The following HEATR9 variants were observed in gnomAD, a reference collection of about 807,000 sequenced individuals.
HEATR9 encodes HEAT repeat containing 9, also known as protein HEATR9.
Under a neutral mutation model 68.2 loss-of-function variants are expected in HEATR9, and 54 were observed. The observed-to-expected ratio is 0.79, with a 90% CI of 0.64 to 0.99. The LOEUF (loss-of-function observed/expected upper bound fraction) is 0.99. Ranked by LOEUF, HEATR9 falls within the 50% of genes least tolerant of loss-of-function variation. The probability of loss-of-function intolerance (pLI) is 0.00; values close to 1 mark genes in which losing one functional copy is unlikely to be tolerated. For synonymous variants in HEATR9, 241 were observed against 253.5 expected (o/e 0.95, Z 0.47); for missense variants, 662 against 679.7 (o/e 0.97, Z 0.29).
intron 9 of HEATR9, 25 bp downstream of exon 9, chr17:35,858,863 G>A: frequency 6.2e-7 from 1 of 1,608,342 alleles, no homozygotes; most frequent in Non-Finnish European, 8.5e-7. Flanking sequence ...TTTCCCCAGG[G>A]ATCCCAGCCT....
chr17:35,856,398 C>T (rs1009173781), intron 12 of HEATR9, 174 bp from the exon 13 acceptor site: 1 of 1,521,722 alleles, frequency 6.6e-7, no homozygotes, highest in South Asian at 1.2e-5. Flanking sequence ...AAAGAGGCAC[C>T]ACAGTTTGCC....
chr17:35,861,895 G>A (rs1568318146), intron 8 of HEATR9, among the ~76,000 whole-genome samples: 2 of 149,570 alleles, frequency 1.3e-5, no homozygotes, highest in Non-Finnish European at 3.0e-5. Flanking sequence ...TTTTGCTCTC[G>A]TTGCCCAGGC....
intron 9 of HEATR9, 84 bp from the exon 10 acceptor site, chr17:35,858,609 C>G: frequency 7.9e-7 from 1 of 1,271,102 alleles, no homozygotes; most frequent in Admixed American, 2.0e-5. Flanking sequence ...GAGCCTAGAA[C>G]TGGTGAGGAA....
At position 35,868,872 on chromosome 17, in the gene HEATR9, G is replaced by T; in HGVS notation, c.-130C>A. 1.4e-6 allele frequency: 1 copy of T among 732,694 alleles called. No homozygotes were observed. The highest frequency in any genetic ancestry group is 2.2e-6 in the Non-Finnish European group (1 of 445,572). 45.4% of individuals were successfully genotyped at this position (732,694 alleles called of 1,614,324 possible). A position where few individuals can be genotyped will look rare whatever the true frequency, so the allele number is the denominator to read the frequency against. On this transcript the variant is annotated 5_prime_UTR_variant, in exon 1 of 15. Coordinates refer to ENST00000604834, the MANE Select transcript of HEATR9 (RefSeq NM_152781.4). ...GTACAGGGGAGGTGTCTGGACTTCT[G>T]GAGGTAGAAGCTTCCAAGTGCTAAG... is the stretch of plus-strand genomic sequence containing the variant.
At chr17:35,863,733 T>C (rs2088087645) in intron 6 of HEATR9, 174 bp from the exon 7 acceptor site, 4 of 674,534 alleles carry the variant, frequency 5.9e-6, no homozygotes, top group Admixed American at 4.9e-5. Flanking sequence ...GAAGGAACAA[T>C]ACAGTTGGGA....
At position 35,856,757 on chromosome 17, in the gene HEATR9, G is replaced by T; in HGVS notation, c.1201C>A (p.Pro401Thr). 6.2e-7 allele frequency: 1 copy of T among 1,606,134 alleles called. No homozygotes were observed. The highest frequency in any genetic ancestry group is 8.5e-7 in the Non-Finnish European group (1 of 1,176,308). ...GCCTCCACCAAGTTCATCATCGTAG[G>T]CTTCAACTTGAGCTCTTCCACAGTT... Reference protein sequence around the residue: ...AQTVEELKLKPTMMNLVEAQL... With the variant: ...AQTVEELKLKTTMMNLVEAQL... Residue 401 changes from proline to threonine, a missense_variant, in exon 12 of 15, where the codon CCT (proline) becomes ACT (threonine). Physicochemically the swap from Pro to Thr is conservative, Grantham distance 38. Coordinates refer to ENST00000604834, the MANE Select transcript of HEATR9 (RefSeq NM_152781.4).
intron 11 of HEATR9, 118 bp downstream of exon 11, chr17:35,858,082 G>T: frequency 1.4e-6 from 2 of 1,425,544 alleles, no homozygotes; most frequent in South Asian, 1.3e-5. Flanking sequence ...TGCATTAGTT[G>T]AACAGGAGTA....
rs757021655 is a variant in HEATR9, at chr17:35,855,255, AGTT to A, written c.1518_1520del (p.Leu506_Thr507delinsPhe). 5.6e-6 allele frequency: 9 copies of A among 1,614,196 alleles called. No homozygotes were observed. The highest frequency in any genetic ancestry group is 5.5e-5 in the South Asian group (5 of 91,090). Reference sequence around the variant, plus strand: ...GCTTTGCAAGTCGAAAGTCTTGAATAGTTAACTCTTCTGGGTTCTCAGGCTCTT... The same window carrying A: ...GCTTTGCAAGTCGAAAGTCTTGAATAAACTCTTCTGGGTTCTCAGGCTCTT... On this transcript the variant is annotated inframe_deletion, in exon 15 of 15. Coordinates refer to ENST00000604834, the MANE Select transcript of HEATR9 (RefSeq NM_152781.4).
At chr17:35,856,914 G>T in intron 11 of HEATR9, 109 bp from the exon 12 acceptor site, 1 of 969,344 alleles carries the variant, frequency 1.0e-6, no homozygotes, top group African/African-American at 1.6e-5. Context: ...TAGAGTCCCT[G>T]CCTTAAGGAG....
intron 7 of HEATR9, 51 bp downstream of exon 7, chr17:35,863,451 G>C (rs1568322252): frequency 1.3e-6 from 2 of 1,575,894 alleles, no homozygotes; most frequent in Admixed American, 1.7e-5. Flanking sequence ...ACCCAAAGGA[G>C]AAAGTGGTTG....
chr17:35,860,323 T>C (rs1598587199), intron 8 of HEATR9, among the ~76,000 whole-genome samples: 3 of 133,142 alleles, frequency 2.3e-5, no homozygotes, highest in African/African-American at 2.9e-5. Flanking sequence ...ACCTGGGAGG[T>C]GGAGCTTGCA....
chr17:35,866,578 GA>G (rs1219464886), intron 2 of HEATR9, 145 bp downstream of exon 2: 2 of 740,556 alleles, frequency 2.7e-6, no homozygotes, highest in African/African-American at 3.5e-5. Flanking sequence ...CTCTGAGGGG[GA>G]AAGTGACTGT....
Position 35,856,080 on chromosome 17 carries a change from CAG to C in HEATR9, c.1278+91_1278+92del. ...AAATAAACAACTTCCCCGAAGTTTA[CAG>C]GCCTTTATTCCCCTCAGTGACTCTG... On this transcript the variant is annotated intron_variant, in intron 13 of 14. Coordinates refer to ENST00000604834, the MANE Select transcript of HEATR9 (RefSeq NM_152781.4). 2.2e-6 allele frequency: 3 copies of C among 1,352,660 alleles called. No homozygotes were observed. In the South Asian group the frequency reaches 3.6e-5, roughly 16 times the overall value. 83.8% of individuals were successfully genotyped at this position (1,352,660 alleles called of 1,614,324 possible).
chr17:35,863,530 GTACTTCAC>G lies in HEATR9; in HGVS notation c.589_596del (p.Val197ArgfsTer14). ...GGATGGCCAGGGTTCGGTAGGCCTCGTACTTCACTTTCTCTGGACCAGTTTGGGCCTAA... is the reference window on the plus strand; with the variant it reads ...GGATGGCCAGGGTTCGGTAGGCCTCGTTTCTCTGGACCAGTTTGGGCCTAA... On this transcript the variant is annotated frameshift_variant, in exon 7 of 15. Coordinates refer to ENST00000604834, the MANE Select transcript of HEATR9 (RefSeq NM_152781.4). LOFTEE classifies it high-confidence loss of function. 2 of 1,614,200 alleles carry G rather than the reference GTACTTCAC, an allele frequency of 1.2e-6. No individual in the cohort carries two copies. Among genetic ancestry groups the G allele is most frequent in the Non-Finnish European group, 1.7e-6 (2 of 1,180,034 alleles).
chr17:35,862,857 C>G (rs573200147), intron 8 of HEATR9, 138 bp downstream of exon 8: 1 of 1,265,580 alleles, frequency 7.9e-7, no homozygotes, highest in Non-Finnish European at 1.1e-6. Flanking sequence ...ATTCAACTCC[C>G]GAGGGAACTC....
At chr17:35,866,639 G>A in intron 2 of HEATR9, 85 bp downstream of exon 2, 1 of 1,288,408 alleles carries the variant, frequency 7.8e-7, no homozygotes, top group Non-Finnish European at 1.1e-6. Context: ...AGGGTTCTGT[G>A]AGCTGGCTTT....
intron 8 of HEATR9, among the ~76,000 whole-genome samples, chr17:35,859,702 A>G (rs2087908727): frequency 6.6e-6 from 1 of 152,224 alleles, no homozygotes; most frequent in South Asian, 2.1e-4. Context: ...TTGTGCCAGC[A>G]CTTCCTGGAG....
intron 6 of HEATR9, 119 bp from the exon 7 acceptor site, chr17:35,863,678 A>G (rs1313698749): frequency 9.2e-7 from 1 of 1,085,030 alleles, no homozygotes; most frequent in East Asian, 2.5e-5. Context: ...CTAGAAAGTG[A>G]CCTATCTATT....
intron 10 of HEATR9, 49 bp from the exon 11 acceptor site, chr17:35,858,368 C>T (rs777604593): frequency 1.6e-5 from 26 of 1,613,902 alleles, no homozygotes; most frequent in Non-Finnish European, 2.1e-5. Context: ...GATGGATTCC[C>T]TTCTTCATCC....
Sources: gnomAD v4.1 joint callset for allele counts (sites outside exome capture counted in the v4.1 genomes callset) on GRCh38, gnomAD v4.1.1 for gene constraint, MANE v1.5 for transcripts, NCBI Gene and HGNC (gene_info 2026-07-23, HGNC 2026-07-21) for gene names.